Variants in ABCG1 observed in about 807,000 individuals in gnomAD.
ABCG1 encodes ATP binding cassette subfamily G member 1.
In ABCG1, 29 loss-of-function variants were observed where a neutral mutation model predicts 69.2. The observed-to-expected ratio is 0.42, with a 90% CI of 0.31 to 0.57. ABCG1 has a LOEUF of 0.57. ABCG1 is among the 20% of genes least tolerant of loss of function. ABCG1 has a pLI of 0.15. For missense variants in ABCG1, 718 were observed against 898.1 expected (o/e 0.80, Z 2.56); for synonymous variants, 370 against 374.8 (o/e 0.99, Z 0.15).
At position 42,296,159 on chromosome 21, in the gene ABCG1, C is replaced by T. The variant is rs575076308; in HGVS notation, c.1773-5C>T. On this transcript the variant is annotated splice_region_variant and splice_polypyrimidine_tract_variant and intron_variant, in intron 14 of 14. Transcript: ENST00000398449. The surrounding 1 kb of genome is among the most constrained non-coding windows in gnomAD (Gnocchi z 5.4). ...TCCTCCCTCATGCCTGGCCTTTCCT[C>T]CTAGGTATGGGTTCGAAGGGGTCAT... is the stretch of plus-strand genomic sequence containing the variant. 3.1e-6 allele frequency: 5 copies of T among 1,613,104 alleles called. No homozygotes were observed. The African/African-American group carries it at 6.7e-5, about 22-fold the overall frequency.
chr21:42,269,031 C>A (rs987611559), intron 2 of ABCG1, among the ~76,000 whole-genome samples: 1 of 152,204 alleles, frequency 6.6e-6, no homozygotes, highest in African/African-American at 2.4e-5. Context: ...GGGAGAGAGG[C>A]TTCTCAGAGC....
At chr21:42,266,554 T>C (rs1263649665) in intron 2 of ABCG1, among the ~76,000 whole-genome samples, 1 of 152,142 alleles carries the variant, frequency 6.6e-6, no homozygotes, top group Non-Finnish European at 1.5e-5. Flanking sequence ...TTTGCTCCTC[T>C]CTGATCATGT....
intron 2 of ABCG1, among the ~76,000 whole-genome samples, chr21:42,239,305 C>T (rs980127022): frequency 1.2e-4 from 18 of 152,228 alleles, no homozygotes; most frequent in Admixed American, 1.2e-3. Flanking sequence ...CTGTGAAGCA[C>T]TGTGACCAGC....
rs914911459 is a variant in ABCG1 at position 42,230,053 on chromosome 21, T to C, written c.286+4139T>C. On this transcript the variant is annotated intron_variant, in intron 2 of 14. Coordinates refer to ENST00000398449, the MANE Select transcript of ABCG1 (RefSeq NM_016818.3). ...CGTAATTATTTTAAAGAAGGAGAAC[T>C]TCACAATCCTTACAAGAAAGGCGAT... Among the ~76,000 whole-genome samples, 16 of 152,236 alleles carry C rather than the reference T, an allele frequency of 1.1e-4. 1 individual carries two copies. Among genetic ancestry groups the C allele is most frequent in the South Asian group, 4.1e-4 (2 of 4,834 alleles).
chr21:42,249,997 T>C (rs1378852295), intron 2 of ABCG1, among the ~76,000 whole-genome samples: 1 of 146,596 alleles, frequency 6.8e-6, no homozygotes, highest in Non-Finnish European at 1.5e-5. Flanking sequence ...AGAGTGAGAT[T>C]CCATCTCAAA....
At chr21:42,215,427 G>T (rs1478626093), upstream of ABCG1, among the ~76,000 whole-genome samples, 2 of 152,224 alleles carry the variant, frequency 1.3e-5, no homozygotes, top group Non-Finnish European at 2.9e-5. Context: ...AAGGCCAGAT[G>T]GAATAAGAGT....
rs1031741010 is a variant in ABCG1 at position 42,291,799 on chromosome 21, C to T, written c.1653+143C>T. ...TGGGGTCGTTCCCACGGGAAGGGCC[C>T]GCATTGTCGAGGGTCAGGATCAGCT... On this transcript the variant is annotated intron_variant, in intron 13 of 14. Transcript: ENST00000398449. This position sits in a 1 kb window ranked among gnomAD's most constrained non-coding sequence, Gnocchi z 6.4. The T allele has an allele frequency of 3.8e-6, 4 of 1,049,854 alleles. No homozygotes were observed. Among genetic ancestry groups the T allele is most frequent in the East Asian group, 5.3e-5 (2 of 37,440 alleles). The allele number at this position is 1,049,854 out of a possible 1,614,324, so 65.0% of individuals were successfully genotyped here. A position where few individuals can be genotyped will look rare whatever the true frequency, so the allele number is the denominator to read the frequency against.
At chr21:42,284,535 T>C in intron 6 of ABCG1, 25 bp from the exon 7 acceptor site, 2 of 1,610,200 alleles carry the variant, frequency 1.2e-6, no homozygotes, top group East Asian at 2.2e-5. Flanking sequence ...CCCGCAGGCG[T>C]CTCACGGTGC....
chr21:42,225,432 G>A (rs2067800027), intron 1 of ABCG1, among the ~76,000 whole-genome samples: 1 of 152,160 alleles, frequency 6.6e-6, no homozygotes, highest in African/African-American at 2.4e-5. Context: ...TGATTCCAAA[G>A]TAAGACTTGT....
chr21:42,202,613 CT>C (rs1008706822), intron 2 of ABCG1, among the ~76,000 whole-genome samples: 259 of 145,518 alleles, frequency 1.8e-3, no homozygotes, highest in Middle Eastern at 7.1e-3. Flanking sequence ...GTCTCTCTCC[CT>C]TTTTTTTTTT....
At chr21:42,225,599 G>A in intron 1 of ABCG1, 72 bp from the exon 2 acceptor site, 1 of 1,569,036 alleles carries the variant, frequency 6.4e-7, no homozygotes, top group Non-Finnish European at 8.7e-7. Context: ...TGAGCCTCAT[G>A]GTGAATCTCT....
At chr21:42,269,940 T>C (rs1477331462) in intron 2 of ABCG1, among the ~76,000 whole-genome samples, 1 of 152,204 alleles carries the variant, frequency 6.6e-6, no homozygotes, top group African/African-American at 2.4e-5. Flanking sequence ...CTTGATCATT[T>C]AACAGTGGAT....
intron 11 of ABCG1, among the ~76,000 whole-genome samples, chr21:42,290,480 CAA>C (rs1167400387): frequency 6.6e-6 from 1 of 152,168 alleles, no homozygotes; most frequent in Non-Finnish European, 1.5e-5. Flanking sequence ...GGAGATTTCT[CAA>C]AGATTCACTA....
Position 42,288,111 on chromosome 21 carries a change from C to T in ABCG1, c.1122+74C>T, listed in dbSNP as rs760695559. 3.0e-5 allele frequency: 48 copies of T among 1,607,822 alleles called. 1 individual carries two copies. Among genetic ancestry groups the T allele is most frequent in the East Asian group, 1.8e-4 (8 of 44,686 alleles). ...CCGAAGCCCCCTGGGGGAGGCTGCA[C>T]GTGGCACCGTGCACTGCTGCATGAG... is the stretch of plus-strand genomic sequence containing the variant. On this transcript the variant is annotated intron_variant, in intron 9 of 14. Coordinates refer to ENST00000398449, the MANE Select transcript of ABCG1 (RefSeq NM_016818.3). This position sits in a 1 kb window ranked among gnomAD's most constrained non-coding sequence, Gnocchi z 4.8.
intron 5 of ABCG1, among the ~76,000 whole-genome samples, chr21:42,278,291 C>T (rs1007128440): frequency 2.0e-5 from 3 of 152,068 alleles, no homozygotes; most frequent in Admixed American, 1.3e-4. Context: ...TAGACACCCC[C>T]CCACAACACA....
chr21:42,241,820 TA>T (rs35522463), intron 2 of ABCG1, among the ~76,000 whole-genome samples: 62,546 of 140,764 alleles, frequency 0.44, 13,689 homozygotes, highest in African/African-American at 0.55. Flanking sequence ...CTATCTCTAT[TA>T]AAAAAAAAAA....
intron 13 of ABCG1, among the ~76,000 whole-genome samples, chr21:42,293,072 C>CACCACACT (rs1555965165): frequency 1.4e-5 from 1 of 72,700 alleles, no homozygotes; most frequent in Non-Finnish European, 2.6e-5. Flanking sequence ...CCACACTACA[C>CACCACACT]ACACACCACA....
At chr21:42,244,581 T>C (rs937643153) in intron 2 of ABCG1, among the ~76,000 whole-genome samples, 3 of 152,236 alleles carry the variant, frequency 2.0e-5, no homozygotes, top group Non-Finnish European at 4.4e-5. Context: ...GTGAAGAAAT[T>C]GAGCTTTTCC....
In ABCG1 at chr21:42,248,425, G is replaced by C. The variant is rs972483494; in HGVS notation, c.286+22511G>C. ...GAAGACTGTGAGGCACCACCCGTGGGGGGTGCAGGGCAGCTGCCACAGACG... is the reference window on the plus strand; with the variant it reads ...GAAGACTGTGAGGCACCACCCGTGGCGGGTGCAGGGCAGCTGCCACAGACG... On this transcript the variant is annotated intron_variant, in intron 2 of 14. Transcript: ENST00000398449. Among the ~76,000 whole-genome samples, 11 of 152,316 alleles carry C rather than the reference G, an allele frequency of 7.2e-5. No homozygotes were observed. In the East Asian group the frequency reaches 1.9e-3, roughly 27 times the overall value.
Sources: gnomAD v4.1 joint callset for allele counts (sites outside exome capture counted in the v4.1 genomes callset) on GRCh38, gnomAD v4.1.1 for gene constraint, Gnocchi (gnomAD v3.1) non-coding constraint, MANE v1.5 for transcripts, NCBI Gene and HGNC (gene_info 2026-07-23, HGNC 2026-07-21) for gene names.